Variants in PCDH11Y observed in about 807,000 individuals in gnomAD.
PCDH11Y encodes protocadherin-11 Y-linked.
For synonymous variants in PCDH11Y, 9 were observed against 83.6 expected (o/e 0.11, Z 4.87); for missense variants, 12 against 224.8 (o/e 0.05, Z 6.05).
At chrY:5,377,740 G>GTATT (rs2053199096) in intron 2 of PCDH11Y, among the ~76,000 whole-genome samples, 57 of 33,595 alleles carry the variant, frequency 1.7e-3, no homozygotes, top group Non-Finnish European at 3.6e-3. Context: ...ATGTATGTAT[G>GTATT]TATTTATTTA....
intron 2 of PCDH11Y, among the ~76,000 whole-genome samples, chrY:5,145,433 C>G (rs2052856026): frequency 1.8e-4 from 6 of 33,221 alleles, no homozygotes; most frequent in Non-Finnish European, 3.0e-4. Flanking sequence ...GGGAAGATGG[C>G]AATACATAAT....
intron 2 of PCDH11Y, among the ~76,000 whole-genome samples, chrY:5,407,798 C>A: frequency 3.3e-5 from 1 of 30,581 alleles, no homozygotes; most frequent in Non-Finnish European, 7.9e-5. Flanking sequence ...GCCTGTAGTC[C>A]CAGCTACTCG....
intron 3 of PCDH11Y, among the ~76,000 whole-genome samples, chrY:5,503,783 AG>A (rs2053356473): frequency 3.1e-5 from 1 of 32,604 alleles, no homozygotes; most frequent in Non-Finnish European, 7.6e-5. Context: ...TAATCTCTTT[AG>A]GCTAATACTG....
chrY:5,443,586 T>A, intron 2 of PCDH11Y, among the ~76,000 whole-genome samples: 3 of 33,311 alleles, frequency 9.0e-5, no homozygotes, highest in Non-Finnish European at 1.5e-4. Context: ...AACTACCATA[T>A]GATTTAGCAA....
intron 2 of PCDH11Y, among the ~76,000 whole-genome samples, chrY:5,353,141 T>C (rs2053161580): frequency 3.3e-5 from 1 of 30,562 alleles, no homozygotes; most frequent in African/African-American, 1.3e-4. Context: ...TAGCTGGGAT[T>C]ACAGGTGTGC....
chrY:5,619,128 A>G, intron 4 of PCDH11Y, among the ~76,000 whole-genome samples: 1 of 32,593 alleles, frequency 3.1e-5, no homozygotes, highest in African/African-American at 1.2e-4. Context: ...TTCTAATGCT[A>G]GTTCTGGTCA....
chrY:5,113,018 G>A (rs2052803945), intron 2 of PCDH11Y, among the ~76,000 whole-genome samples: 2 of 34,687 alleles, frequency 5.8e-5, no homozygotes, highest in Non-Finnish European at 1.5e-4. Flanking sequence ...ACACCTGGTT[G>A]TATTTGATGT....
At chrY:5,329,548 G>A in intron 2 of PCDH11Y, among the ~76,000 whole-genome samples, 1 of 32,915 alleles carries the variant, frequency 3.0e-5, no homozygotes, top group Non-Finnish European at 7.5e-5. Flanking sequence ...GAAGGACCAA[G>A]TCAGGCATCC....
At chrY:5,541,604 T>C in intron 3 of PCDH11Y, among the ~76,000 whole-genome samples, 2 of 32,641 alleles carry the variant, frequency 6.1e-5, no homozygotes, top group Admixed American at 5.6e-4. Context: ...CCATGGCCCC[T>C]TCCAGCTACA....
At chrY:5,537,265 T>G in intron 3 of PCDH11Y, among the ~76,000 whole-genome samples, 1 of 30,367 alleles carries the variant, frequency 3.3e-5, no homozygotes, top group Non-Finnish European at 7.9e-5. Context: ...AAATGTTTTT[T>G]TTTTTTTTTT....
chrY:5,107,699 C>A (rs2052792978), downstream of PCDH11Y, among the ~76,000 whole-genome samples: 1 of 32,073 alleles, frequency 3.1e-5, no homozygotes, highest in Non-Finnish European at 7.6e-5. Flanking sequence ...AATGAAATGT[C>A]CTTGATGGTC....
intron 3 of PCDH11Y, among the ~76,000 whole-genome samples, chrY:5,577,615 T>C (rs2124697086): frequency 3.0e-5 from 1 of 33,365 alleles, no homozygotes; most frequent in South Asian, 6.8e-4. Flanking sequence ...GGATAGAAAC[T>C]TTAATATAAA....
chrY:5,386,398 G>T, intron 2 of PCDH11Y, among the ~76,000 whole-genome samples: 3 of 32,408 alleles, frequency 9.3e-5, no homozygotes, highest in Non-Finnish European at 7.5e-5. Context: ...GAATGTCTAG[G>T]TCTCTAGCAA....
intron 2 of PCDH11Y, among the ~76,000 whole-genome samples, chrY:5,343,315 G>A (rs2053147928): frequency 3.6e-5 from 1 of 27,870 alleles, no homozygotes; most frequent in Non-Finnish European, 8.4e-5. Flanking sequence ...GTGCAGTGGC[G>A]CAATCTCGGC....
At chrY:5,195,376 G>A in intron 2 of PCDH11Y, among the ~76,000 whole-genome samples, 4 of 33,400 alleles carry the variant, frequency 1.2e-4, no homozygotes. Flanking sequence ...GTGATATGGT[G>A]AAGCACCTAA....
chrY:5,108,962 G>A, downstream of PCDH11Y, among the ~76,000 whole-genome samples: 1 of 31,746 alleles, frequency 3.1e-5, no homozygotes, highest in South Asian at 7.0e-4. Flanking sequence ...GTGATGTGCA[G>A]CCTGAGTGTA....
chrY:5,072,926 G>A, intron 1 of PCDH11Y, among the ~76,000 whole-genome samples: 2 of 33,140 alleles, frequency 6.0e-5, no homozygotes, highest in East Asian at 1.6e-3. Context: ...GTAGGTGTAC[G>A]TATTTGTGCG....
intron 2 of PCDH11Y, among the ~76,000 whole-genome samples, chrY:5,352,352 G>A: frequency 3.1e-5 from 1 of 31,828 alleles, no homozygotes; most frequent in Non-Finnish European, 7.6e-5. Context: ...TCGAGCTCCT[G>A]ACCTCATGAT....
At chrY:5,602,846 G>C in intron 4 of PCDH11Y, among the ~76,000 whole-genome samples, 1 of 27,547 alleles carries the variant, frequency 3.6e-5, no homozygotes, top group Non-Finnish European at 8.5e-5. Context: ...CACACAATTT[G>C]TATATATATA....
Sources: gnomAD v4.1 joint callset for allele counts (sites outside exome capture counted in the v4.1 genomes callset) on GRCh38, gnomAD v4.1.1 for gene constraint, MANE v1.5 for transcripts, NCBI Gene and HGNC (gene_info 2026-07-23, HGNC 2026-07-21) for gene names.